DNAH2: variants seen among roughly 807,000 people sequenced by gnomAD.
DNAH2 encodes the protein dynein axonemal heavy chain 2, also known as axonemal beta dynein heavy chain 2.
A neutral mutation model predicts 523.5 loss-of-function variants in DNAH2; 323 were observed. That is an observed-to-expected ratio of 0.62 (90% confidence interval 0.56 to 0.68). DNAH2 has a LOEUF of 0.68. Ranked by LOEUF, DNAH2 falls within the 30% of genes least tolerant of loss-of-function variation. DNAH2 has a pLI of 0.00. For synonymous variants in DNAH2, 2,093 were observed against 2,177.4 expected (o/e 0.96, Z 1.08); for missense variants, 4,907 against 5,701.5 (o/e 0.86, Z 4.49).
At chr17:7,737,882 T>G (rs968433180) in intron 8 of DNAH2, 7 of 679,488 alleles carry the variant, frequency 1.0e-5, no homozygotes, top group Admixed American at 2.0e-5. Flanking sequence ...GGCTGAGACA[T>G]GAAGCACGGG....
chr17:7,741,234 CTCTCTTTCTTTCTT>C (rs1487184645), intron 11 of DNAH2, among the ~76,000 whole-genome samples: 50 of 135,502 alleles, frequency 3.7e-4, no homozygotes, highest in Non-Finnish European at 7.1e-4. Context: ...TTTTTTCTCT[CTCTCTTTCTTTCTT>C]TCTTTCTTTC....
chr17:7,787,391 A>G, intron 42 of DNAH2: 1 of 349,068 alleles, frequency 2.9e-6, no homozygotes, highest in Non-Finnish European at 5.2e-6. Context: ...CAATGCGAGC[A>G]AGAGAGTGAT....
At chr17:7,742,061 G>A (rs893408777) in intron 11 of DNAH2, among the ~76,000 whole-genome samples, 1 of 152,138 alleles carries the variant, frequency 6.6e-6, no homozygotes, top group African/African-American at 2.4e-5. Context: ...CCAGAGACCT[G>A]GACAGGTGAC....
intron 11 of DNAH2, 132 bp downstream of exon 11, chr17:7,741,124 G>C: frequency 8.9e-7 from 1 of 1,119,626 alleles, no homozygotes. Flanking sequence ...GGCAGGTCCA[G>C]TTCAGTGAGG....
rs542404101 is a variant in DNAH2, at chr17:7,819,201, A to G, written c.10816-8A>G. The G allele has an allele frequency of 6.2e-7, 1 of 1,612,652 alleles. No individual in the cohort carries two copies. The highest frequency in any genetic ancestry group is 1.7e-5 in the Admixed American group (1 of 59,982). On this transcript the variant is annotated splice_region_variant and splice_polypyrimidine_tract_variant and intron_variant, in intron 71 of 85. Transcript: ENST00000572933. ...AGTGGCCCTGACTCCACCCATCCCCACCGGCAGGCTTACCGCCCATGCGCC... is the reference window on the plus strand; with the variant it reads ...AGTGGCCCTGACTCCACCCATCCCCGCCGGCAGGCTTACCGCCCATGCGCC...
intron 11 of DNAH2, among the ~76,000 whole-genome samples, chr17:7,741,238 CTTTCTTTCTTTCTTTCTTTCTT>C (rs2075311275): frequency 1.3e-4 from 3 of 23,902 alleles, no homozygotes; most frequent in African/African-American, 5.0e-4. Flanking sequence ...TTCTCTCTCT[CTTTCTTTCTTTCTTTCTTTCTT>C]TCTTTCTTTC....
Position 7,793,517 on chromosome 17 carries a change from TCTC to T in DNAH2, c.7569+313_7569+315del, listed in dbSNP as rs1567709740. On this transcript the variant is annotated intron_variant, in intron 48 of 85. Coordinates refer to ENST00000572933, the MANE Select transcript of DNAH2 (RefSeq NM_020877.5). ...TTTCTTTCTTTCTTTCTTTCTTTCTTCTCTTTCTCTTTCTTTCTTTTTCTTTCT... is the reference window on the plus strand; with the variant it reads ...TTTCTTTCTTTCTTTCTTTCTTTCTTTTTCTCTTTCTTTCTTTTTCTTTCT... Among the ~76,000 whole-genome samples the T allele has an allele frequency of 7.0e-3, 842 of 119,530 alleles. 15 individuals carry two copies. The highest frequency in any genetic ancestry group is 9.2e-3 in the Non-Finnish European group (483 of 52,632). 78.4% of individuals were successfully genotyped at this position (119,530 alleles called of 152,430 possible).
At position 7,792,302 on chromosome 17, in the gene DNAH2, A is replaced by G. The variant is rs762542859; in HGVS notation, c.7104A>G (p.Ser2368=). ...FVDPKIRSWT[S]FEDKLPKSWR... ...ACCCCAAAATACGGAGTTGGACATC[A>G]TTTGAGGACAAGCTCCCTAAGAGTT... Residue 2368 remains serine (S), a synonymous_variant, in exon 46 of 86, where the codon TCA becomes TCG. Coordinates refer to ENST00000572933, the MANE Select transcript of DNAH2 (RefSeq NM_020877.5). 25 of 1,613,924 alleles carry G rather than the reference A, an allele frequency of 1.5e-5. No individual in the cohort carries two copies. The highest frequency in any genetic ancestry group is 1.9e-5 in the Non-Finnish European group (22 of 1,180,012).
intron 73 of DNAH2, among the ~76,000 whole-genome samples, chr17:7,822,811 G>C (rs2077894850): frequency 6.6e-6 from 1 of 152,194 alleles, no homozygotes; most frequent in Non-Finnish European, 1.5e-5. Context: ...GAATGAATGA[G>C]TAAATAGTTT....
chr17:7,740,546 C>G lies in DNAH2; in HGVS notation c.1503C>G (p.Arg501=), dbSNP rs374548181. The G allele has an allele frequency of 1.2e-5, 20 of 1,613,286 alleles. No homozygotes were observed. The South Asian group carries it at 1.9e-4, about 15-fold the overall frequency. ...ACACCTTCCACAGGCTTGCCTCCCG[C>G]GAGGTGCGGCTGCCCCGCGGCTTCC... ...LLDTFHRLAS[R]EAIKRTYDKK... Residue 501 remains arginine (R), a synonymous_variant, in exon 10 of 86, where the codon CGC becomes CGG. Coordinates refer to ENST00000572933, the MANE Select transcript of DNAH2 (RefSeq NM_020877.5).
At chr17:7,743,279 T>G in intron 12 of DNAH2, 137 bp downstream of exon 12, 1 of 924,704 alleles carries the variant, frequency 1.1e-6, no homozygotes, top group Non-Finnish European at 1.7e-6. Context: ...GTCATTTTAC[T>G]TTTTTTTTTC....
In DNAH2 at chr17:7,801,939, A is replaced by G; in HGVS notation, c.8894A>G (p.Gln2965Arg). The G allele has an allele frequency of 3.1e-6, 5 of 1,614,234 alleles. No homozygotes were observed. The highest frequency in any genetic ancestry group is 4.2e-6 in the Non-Finnish European group (5 of 1,180,046). The change falls in exon 58 of 86, where the codon CAG becomes CGG. Residue 2965 changes from glutamine (Q) to arginine (R), a missense_variant. Physicochemically the swap from Gln to Arg is conservative, Grantham distance 43. This residue lies in a region of DNAH2 where 1,851 missense variants were observed against 2,139.4 expected (regional missense o/e 0.87). Transcript: ENST00000572933. ...TMHWSVAQYS[Q>R]KMLLELRRHN... is the part of the protein sequence containing the mutation. The stretch of plus-strand genomic sequence containing the variant: ...CACTGGTCAGTAGCTCAGTATTCCC[A>G]GAAGATGCTGTTGGAACTGCGGAGA...
chr17:7,719,448 C>T (rs938039396), intron 1 of DNAH2, among the ~76,000 whole-genome samples: 21 of 152,104 alleles, frequency 1.4e-4, no homozygotes, highest in African/African-American at 4.8e-4. Context: ...TCTTTAACTC[C>T]CATTTGTTCC....
chr17:7,738,159 C>T lies in DNAH2; in HGVS notation c.1170+901C>T, dbSNP rs1373126942. On this transcript the variant is annotated intron_variant, in intron 8 of 85. Coordinates refer to ENST00000572933, the MANE Select transcript of DNAH2 (RefSeq NM_020877.5). ...CCCCTAACATCCCATGTCTCAACTC[C>T]CTTGTCAGCCCTGTAAGAGGGTAGA... The T allele has an allele frequency of 1.1e-5, 8 of 701,012 alleles. No individual in the cohort carries two copies. The East Asian group carries it at 1.3e-4, about 12-fold the overall frequency. The allele number at this position is 701,012 out of a possible 1,614,324, so 43.4% of individuals were successfully genotyped here.
In DNAH2 at chr17:7,797,426, C is replaced by A. The variant is rs141623156; in HGVS notation, c.7976C>A (p.Ala2659Glu). 3.1e-6 allele frequency: 5 copies of A among 1,614,092 alleles called. No individual in the cohort carries two copies. In the South Asian group the frequency reaches 4.4e-5, roughly 14 times the overall value. Residue 2659 changes from alanine to glutamate, a missense_variant, in exon 52 of 86, where the codon GCG (alanine) becomes GAG (glutamate). Transcript: ENST00000572933. ...FRVFSDRLVD[A>E]ADTEAFMGII... The stretch of plus-strand genomic sequence containing the variant: ...GTCTTCTCTGACCGGCTGGTTGATG[C>A]GGCAGACACAGAAGCCTTCATGGGC...
chr17:7,776,015 T>TC lies in DNAH2; in HGVS notation c.4822-3dup. On this transcript the variant is annotated splice_polypyrimidine_tract_variant and intron_variant, in intron 30 of 85. Coordinates refer to ENST00000572933, the MANE Select transcript of DNAH2 (RefSeq NM_020877.5). ...GGCTGAGCTGCCCTATTCTCCCACC[T>TC]CCCCCCAGTCCTGGCTTGGCGATGT... 6.2e-7 allele frequency: 1 copy of TC among 1,612,222 alleles called. No homozygotes were observed. Among genetic ancestry groups the TC allele is most frequent in the South Asian group, 1.1e-5 (1 of 90,984 alleles).
intron 49 of DNAH2, among the ~76,000 whole-genome samples, chr17:7,796,220 A>G (rs1241008768): frequency 2.6e-5 from 4 of 151,760 alleles, no homozygotes; most frequent in South Asian, 2.1e-4. Flanking sequence ...GGCTAATTTT[A>G]TATTTTTTAG....
chr17:7,770,066 C>G (rs1174787363), intron 24 of DNAH2, among the ~76,000 whole-genome samples, 186 bp from the exon 25 acceptor site: 1 of 152,254 alleles, frequency 6.6e-6, no homozygotes, highest in Non-Finnish European at 1.5e-5. Context: ...AGAGAATCCA[C>G]TCCTGGAGGG....
intron 3 of DNAH2, 22 bp from the exon 4 acceptor site, chr17:7,727,100 G>T: frequency 6.6e-7 from 1 of 1,517,914 alleles, no homozygotes; most frequent in Non-Finnish European, 8.8e-7. Flanking sequence ...AGTTACTTTG[G>T]CCCTCTGCTC....
Sources: allele counts gnomAD v4.1 joint callset (sites outside exome capture counted in the v4.1 genomes callset), GRCh38; gene constraint gnomAD v4.1.1; regional missense constraint gnomAD v4.1.1; transcripts MANE v1.5; gene names NCBI Gene and HGNC (gene_info 2026-07-23, HGNC 2026-07-21).